PPP3CA: variants seen among roughly 807,000 people sequenced by gnomAD.
The protein encoded by PPP3CA is CAM-PRP catalytic subunit.
A neutral mutation model predicts 66.5 loss-of-function variants in PPP3CA; 14 were observed. That is an observed-to-expected ratio of 0.21 (90% CI 0.14 to 0.33). The LOEUF (loss-of-function observed/expected upper bound fraction) is 0.33. Ranked by LOEUF, PPP3CA falls within the 10% of genes least tolerant of loss-of-function variation. PPP3CA has a pLI of 1.00. For synonymous variants in PPP3CA, 232 were observed against 226.2 expected (o/e 1.03, Z -0.23); for missense variants, 317 against 639.5 (o/e 0.50, Z 5.44).
intron 1 of PPP3CA, among the ~76,000 whole-genome samples, chr4:101,291,929 G>A (rs886588745): frequency 1.3e-5 from 2 of 152,098 alleles, no homozygotes; most frequent in African/African-American, 4.8e-5. Context: ...ACGGGTTTGA[G>A]ACTAGCCTGG....
chr4:101,064,705 G>A lies in PPP3CA; in HGVS notation c.956-1348C>T, dbSNP rs185796113. Among the ~76,000 whole-genome samples, 110 of 152,090 alleles carry A rather than the reference G, an allele frequency of 7.2e-4. 1 individual carries two copies. Among genetic ancestry groups the A allele is most frequent in the African/African-American group, 2.6e-3 (107 of 41,504 alleles). On this transcript the variant is annotated intron_variant, in intron 8 of 13. Transcript: ENST00000394854. The stretch of plus-strand genomic sequence containing the variant: ...TATGACATGGCTTCTTGATGCTTTA[G>A]CTCAGCCTGCTCAACCTATTCTGAA...
At chr4:101,244,416 G>A (rs1465786581) in intron 1 of PPP3CA, among the ~76,000 whole-genome samples, 1 of 152,032 alleles carries the variant, frequency 6.6e-6, no homozygotes, top group Non-Finnish European at 1.5e-5. Flanking sequence ...TCTGCAAGTC[G>A]AACAACCTGG....
chr4:101,171,460 T>C (rs965720647), intron 2 of PPP3CA, among the ~76,000 whole-genome samples: 1 of 151,990 alleles, frequency 6.6e-6, no homozygotes, highest in African/African-American at 2.4e-5. Flanking sequence ...ATAAAAATAA[T>C]AATAGCTAAA....
At chr4:101,093,723 A>C (rs768245217) in intron 6 of PPP3CA, 53 bp downstream of exon 6, 323 of 1,494,710 alleles carry the variant, frequency 2.2e-4, no homozygotes, top group Admixed American at 8.6e-4. Context: ...GGACTGATAA[A>C]TCCTAGCATT....
intron 2 of PPP3CA, among the ~76,000 whole-genome samples, chr4:101,120,395 G>A (rs1446802854): frequency 6.6e-6 from 1 of 152,022 alleles, no homozygotes; most frequent in African/African-American, 2.4e-5. Context: ...AAAAGCATCA[G>A]CTTCCTGACA....
chr4:101,320,470 ATGTATGTG>A (rs1166977298), intron 1 of PPP3CA, among the ~76,000 whole-genome samples: 1 of 130,838 alleles, frequency 7.6e-6, no homozygotes, highest in East Asian at 2.4e-4. Flanking sequence ...GTATGTATGT[ATGTATGTG>A]TGTGTGTGTG....
At chr4:101,216,051 T>C (rs549387071) in intron 1 of PPP3CA, among the ~76,000 whole-genome samples, 2 of 152,224 alleles carry the variant, frequency 1.3e-5, no homozygotes, top group South Asian at 4.1e-4. Flanking sequence ...AGTCCCTAAA[T>C]CTTAAATGTT....
Position 101,106,473 on chromosome 4 carries a change from A to AGAGGAGAAG in PPP3CA, c.384+2480_384+2481insCTTCTCCTC, listed in dbSNP as rs1560605300. On this transcript the variant is annotated intron_variant, in intron 3 of 13. Transcript: ENST00000394854. ...AGAAAGAGAAAAGAAAAGAAAAGAA[A>AGAGGAGAAG]AGAAAAGAAAAGAAAAGAAAAGAAA... 4.6e-5 allele frequency among the ~76,000 whole-genome samples: 2 copies of AGAGGAGAAG among 43,264 alleles called. 1 individual carries two copies. The highest frequency in any genetic ancestry group is 3.3e-4 in the African/African-American group (2 of 6,102). The allele number at this position is 43,264 out of a possible 152,430, so 28.4% of individuals were successfully genotyped here.
chr4:101,095,050 T>C (rs763478593), intron 5 of PPP3CA, among the ~76,000 whole-genome samples: 14 of 152,084 alleles, frequency 9.2e-5, no homozygotes, highest in Non-Finnish European at 1.6e-4. Context: ...TTAGTATCTA[T>C]AGAGAATGAG....
At chr4:101,252,480 A>G (rs11938557) in intron 1 of PPP3CA, among the ~76,000 whole-genome samples, 9,700 of 152,164 alleles carry the variant, frequency 0.064, 961 homozygotes, top group African/African-American at 0.21. Flanking sequence ...AAAAAAAAAC[A>G]AAACTAAAAC....
chr4:101,331,376 CAG>C (rs1401987166), intron 1 of PPP3CA, among the ~76,000 whole-genome samples: 1 of 152,096 alleles, frequency 6.6e-6, no homozygotes, highest in East Asian at 1.9e-4. Flanking sequence ...GTATAATAAA[CAG>C]AAATATCTTC....
At chr4:101,294,807 C>T (rs550536647) in intron 1 of PPP3CA, among the ~76,000 whole-genome samples, 33 of 151,438 alleles carry the variant, frequency 2.2e-4, no homozygotes, top group African/African-American at 7.0e-4. Context: ...CTAGTTGTAG[C>T]GATGAAAAAT....
chr4:101,098,524 G>T lies in PPP3CA; in HGVS notation c.497-12C>A. ...ATACTTTATTTTACCTTTTAGAAGT[G>T]ATTAAAAGAATACTTATGATTTATA... On this transcript the variant is annotated splice_polypyrimidine_tract_variant and intron_variant, in intron 4 of 13. Coordinates refer to ENST00000394854, the MANE Select transcript of PPP3CA (RefSeq NM_000944.5). The T allele has an allele frequency of 6.3e-7, 1 of 1,582,882 alleles. No individual in the cohort carries two copies. The highest frequency in any genetic ancestry group is 1.2e-5 in the South Asian group (1 of 84,596).
intron 1 of PPP3CA, among the ~76,000 whole-genome samples, chr4:101,345,026 A>G (rs1729935520): frequency 6.6e-6 from 1 of 152,226 alleles, no homozygotes. Flanking sequence ...AGCTCTCTCA[A>G]ATAAATGTGA....
chr4:101,207,604 A>G (rs369187808), intron 1 of PPP3CA, among the ~76,000 whole-genome samples: 288 of 152,294 alleles, frequency 1.9e-3, no homozygotes, highest in East Asian at 0.014. Flanking sequence ...AGGTGGGCAG[A>G]TCACTTGAGG....
chr4:101,116,975 T>A (rs1033890948), intron 2 of PPP3CA, among the ~76,000 whole-genome samples: 1 of 151,576 alleles, frequency 6.6e-6, no homozygotes, highest in African/African-American at 2.4e-5. Context: ...AATAAAAAAT[T>A]ATATATATAT....
chr4:101,031,624 C>T (rs1275539141), intron 12 of PPP3CA, among the ~76,000 whole-genome samples: 1 of 152,120 alleles, frequency 6.6e-6, no homozygotes, highest in Non-Finnish European at 1.5e-5. Flanking sequence ...CAGAAATTTC[C>T]ACCATCACAA....
intron 8 of PPP3CA, among the ~76,000 whole-genome samples, chr4:101,079,814 T>C (rs1269352778): frequency 6.6e-6 from 1 of 152,226 alleles, no homozygotes; most frequent in African/African-American, 2.4e-5. Context: ...GCTCTTCTTC[T>C]TTTCCCTGTA....
At chr4:101,322,153 C>G (rs1487195638) in intron 1 of PPP3CA, among the ~76,000 whole-genome samples, 3 of 152,052 alleles carry the variant, frequency 2.0e-5, no homozygotes, top group Non-Finnish European at 2.9e-5. Context: ...CTAATCTTAC[C>G]CATAAAAAAT....
Sources: allele counts gnomAD v4.1 joint callset (sites outside exome capture counted in the v4.1 genomes callset), GRCh38; gene constraint gnomAD v4.1.1; transcripts MANE v1.5; gene names NCBI Gene and HGNC (gene_info 2026-07-23, HGNC 2026-07-21).